ARHGEF4: variants seen among roughly 807,000 people sequenced by gnomAD.
The protein encoded by ARHGEF4 is APC-stimulated guanine nucleotide exchange factor 1.
In ARHGEF4, 119 loss-of-function variants were observed where a neutral mutation model predicts 162.0. The observed-to-expected ratio is 0.73, with a 90% CI of 0.63 to 0.86. ARHGEF4 has a LOEUF of 0.86. ARHGEF4 is among the 40% of genes least tolerant of loss of function. The pLI, the probability that ARHGEF4 is intolerant of heterozygous loss-of-function variation, is 0.00. For missense variants in ARHGEF4, 2,488 were observed against 2,456.0 expected (o/e 1.01, Z -0.28); for synonymous variants, 1,014 against 979.9 (o/e 1.03, Z -0.65).
chr2:130,837,092 C>A, intron 1 of ARHGEF4, 100 bp downstream of exon 1: 2 of 1,133,608 alleles, frequency 1.8e-6, no homozygotes, highest in African/African-American at 3.2e-5. Flanking sequence ...GGGCCGTCCC[C>A]TGGGCACCCG....
At chr2:130,924,736 G>C (rs551792877) in intron 2 of ARHGEF4, among the ~76,000 whole-genome samples, 1 of 152,172 alleles carries the variant, frequency 6.6e-6, no homozygotes, top group Non-Finnish European at 1.5e-5. Context: ...CACCAAGACC[G>C]AGAGAGAGCA....
rs148318480 is a variant in ARHGEF4, at chr2:130,908,803, T to C, written c.40-5183T>C. Among the ~76,000 whole-genome samples, 314 of 152,290 alleles carry C rather than the reference T, an allele frequency of 2.1e-3. 1 individual carries two copies. Among genetic ancestry groups the C allele is most frequent in the African/African-American group, 7.0e-3 (291 of 41,560 alleles). On this transcript the variant is annotated intron_variant, in intron 1 of 13. Coordinates refer to ENST00000409359, the MANE Select transcript of ARHGEF4 (RefSeq NM_001367493.1). ...AAACATATATCTGACAAAAGACTTA[T>C]ATATAAGGTATACAAAGAATCCTTA...
intron 5 of ARHGEF4, among the ~76,000 whole-genome samples, chr2:131,034,479 G>A (rs1690087058): frequency 6.6e-6 from 1 of 152,200 alleles, no homozygotes; most frequent in African/African-American, 2.4e-5. Flanking sequence ...GTGAAGAGGG[G>A]CCCCTCAGGG....
intron 4 of ARHGEF4, among the ~76,000 whole-genome samples, chr2:130,987,475 A>T (rs1011261083): frequency 1.3e-5 from 2 of 152,208 alleles, no homozygotes; most frequent in African/African-American, 4.8e-5. Flanking sequence ...AGGGGGTTGC[A>T]GCTTCTGGTT....
chr2:130,915,441 G>A lies in ARHGEF4; in HGVS notation c.1495G>A (p.Ala499Thr). ...QKHLWGISVQAGNQTSNYTSK... is the reference protein window; with the variant it reads ...QKHLWGISVQTGNQTSNYTSK... ...GCACCTCTGGGGCATTTCTGTCCAG[G>A]CAGGAAACCAAACCAGTAATTACAC... The change falls in exon 2 of 14, where the codon GCA (alanine) becomes ACA (threonine). Residue 499 changes from alanine (A) to threonine (T), a missense_variant. By Grantham distance (58) the Ala-to-Thr change is moderately conservative (BLOSUM62 0). This residue lies in a region of ARHGEF4 where 1,642 missense variants were observed against 1,481.5 expected (regional missense o/e 1.11). Coordinates refer to ENST00000409359, the MANE Select transcript of ARHGEF4 (RefSeq NM_001367493.1). 1 of 1,550,598 alleles carries A rather than the reference G, an allele frequency of 6.4e-7. No individual in the cohort carries two copies. Among genetic ancestry groups the A allele is most frequent in the Non-Finnish European group, 8.7e-7 (1 of 1,147,020 alleles).
intron 1 of ARHGEF4, among the ~76,000 whole-genome samples, chr2:130,872,799 G>T (rs1485407263): frequency 6.6e-6 from 1 of 152,210 alleles, no homozygotes; most frequent in Non-Finnish European, 1.5e-5. Context: ...TCAGCTGGGA[G>T]CAGCAGCACC....
intron 4 of ARHGEF4, among the ~76,000 whole-genome samples, chr2:130,957,187 G>C (rs186222221): frequency 6.6e-6 from 1 of 151,056 alleles, no homozygotes; most frequent in Non-Finnish European, 1.5e-5. Flanking sequence ...AAAATAAAAA[G>C]ACTAATTCTT....
In ARHGEF4 at chr2:131,044,457, G is replaced by A; in HGVS notation, c.5316G>A (p.Leu1772=). The A allele has an allele frequency of 1.9e-6, 3 of 1,556,908 alleles. No homozygotes were observed. The highest frequency in any genetic ancestry group is 1.7e-4 in the Middle Eastern group (1 of 5,998). The change falls in exon 12 of 14, where the codon CTG becomes CTA. Residue 1772 remains leucine (L), a synonymous_variant. Coordinates refer to ENST00000409359, the MANE Select transcript of ARHGEF4 (RefSeq NM_001367493.1). ...HRGATGDSHL[L]CTRKPEQKQR... Reference sequence around the variant, plus strand: ...GCGCCACAGGGGACAGCCACCTGCTGTGCACCAGGAAGCCCGAGCAGAAGC... The same window carrying A: ...GCGCCACAGGGGACAGCCACCTGCTATGCACCAGGAAGCCCGAGCAGAAGC...
chr2:131,030,712 G>A (rs1689793975), intron 5 of ARHGEF4, among the ~76,000 whole-genome samples: 2 of 152,200 alleles, frequency 1.3e-5, no homozygotes, highest in Non-Finnish European at 1.5e-5. Context: ...CCTGGGCTTG[G>A]AGGCCTCTCT....
At chr2:130,898,181 T>C (rs1680272119) in intron 1 of ARHGEF4, among the ~76,000 whole-genome samples, 1 of 152,222 alleles carries the variant, frequency 6.6e-6, no homozygotes, top group Admixed American at 6.5e-5. Flanking sequence ...TAGAGCCCTC[T>C]CTGGGCAGGA....
At position 131,025,744 on chromosome 2, in the gene ARHGEF4, G is replaced by A. The variant is rs569284325; in HGVS notation, c.3986-2201G>A. Among the ~76,000 whole-genome samples the A allele has an allele frequency of 1.1e-4, 16 of 152,310 alleles. 1 individual carries two copies. Among genetic ancestry groups the A allele is most frequent in the Middle Eastern group, 3.4e-3 (1 of 294 alleles). ...TTGGGGGGAGTCAGACCAACATAGT[G>A]TACAGGGATGCGTTTCCTTCTGTGA... On this transcript the variant is annotated intron_variant, in intron 4 of 13. Coordinates refer to ENST00000409359, the MANE Select transcript of ARHGEF4 (RefSeq NM_001367493.1).
intron 5 of ARHGEF4, among the ~76,000 whole-genome samples, chr2:131,033,586 C>T (rs184727320): frequency 1.6e-4 from 25 of 152,290 alleles, no homozygotes; most frequent in African/African-American, 5.8e-4. Flanking sequence ...GTCAGGGGTT[C>T]GAAGCCACAC....
At chr2:130,945,339 T>A (rs1459374155) in intron 3 of ARHGEF4, among the ~76,000 whole-genome samples, 2 of 151,806 alleles carry the variant, frequency 1.3e-5, no homozygotes, top group Non-Finnish European at 2.9e-5. Context: ...GAGACAGAGA[T>A]AGAAAAAAGA....
intron 1 of ARHGEF4, among the ~76,000 whole-genome samples, chr2:130,881,339 C>T (rs556229601): frequency 1.3e-5 from 2 of 152,256 alleles, no homozygotes; most frequent in Admixed American, 6.5e-5. Flanking sequence ...GTAAAGCACT[C>T]AACGCAGAGC....
intron 9 of ARHGEF4, 126 bp downstream of exon 9, chr2:131,041,588 T>G: frequency 8.8e-7 from 1 of 1,138,010 alleles, no homozygotes; most frequent in Non-Finnish European, 1.2e-6. Flanking sequence ...ACTAGCCCTG[T>G]CCTGATGAGC....
chr2:130,947,577 A>G (rs1683700959), intron 4 of ARHGEF4, among the ~76,000 whole-genome samples: 1 of 152,184 alleles, frequency 6.6e-6, no homozygotes, highest in Non-Finnish European at 1.5e-5. Context: ...TCTGAGGAAT[A>G]ATGGCCTCTT....
intron 4 of ARHGEF4, among the ~76,000 whole-genome samples, chr2:131,023,202 G>A (rs1422448081): frequency 6.6e-6 from 1 of 152,072 alleles, no homozygotes; most frequent in Non-Finnish European, 1.5e-5. Flanking sequence ...GCTGAGGCAG[G>A]AGGATCACTT....
intron 4 of ARHGEF4, among the ~76,000 whole-genome samples, chr2:130,978,329 T>G (rs1685888701): frequency 6.6e-6 from 1 of 152,206 alleles, no homozygotes; most frequent in Non-Finnish European, 1.5e-5. Context: ...AAGGTTAATC[T>G]AATATAGAGT....
intron 2 of ARHGEF4, among the ~76,000 whole-genome samples, chr2:130,921,277 G>A (rs567400558): frequency 4.6e-5 from 7 of 152,206 alleles, no homozygotes; most frequent in East Asian, 3.9e-4. Flanking sequence ...AGGGGCGGGC[G>A]GATCACGAGG....
Sources: allele counts gnomAD v4.1 joint callset (sites outside exome capture counted in the v4.1 genomes callset), GRCh38; gene constraint gnomAD v4.1.1; regional missense constraint gnomAD v4.1.1; transcripts MANE v1.5; gene names NCBI Gene and HGNC (gene_info 2026-07-23, HGNC 2026-07-21).